FMN1: variants seen among roughly 807,000 people sequenced by gnomAD.
The protein encoded by FMN1 is formin 1, also known as formin-1.
A neutral mutation model predicts 132.4 loss-of-function variants in FMN1; 110 were observed. That is an observed-to-expected ratio of 0.83 (90% confidence interval 0.71 to 0.97). The LOEUF (loss-of-function observed/expected upper bound fraction) is 0.97. Among genes scored for constraint, FMN1 ranks in the 50% least tolerant of loss-of-function variants. The probability of loss-of-function intolerance (pLI) is 0.00; values close to 1 mark genes in which losing one functional copy is unlikely to be tolerated. For synonymous variants in FMN1, 722 were observed against 651.7 expected (o/e 1.11, Z -1.64); for missense variants, 1,792 against 1,705.3 (o/e 1.05, Z -0.90).
intron 6 of FMN1, among the ~76,000 whole-genome samples, chr15:33,019,026 T>C (rs183091051): frequency 2.6e-5 from 4 of 152,184 alleles, no homozygotes; most frequent in Admixed American, 2.0e-4. Flanking sequence ...GCTTCCACCA[T>C]GCGGAAGAGG....
At chr15:33,159,515 C>T (rs918895988) in intron 3 of FMN1, among the ~76,000 whole-genome samples, 29 of 152,140 alleles carry the variant, frequency 1.9e-4, no homozygotes, top group Middle Eastern at 6.3e-3. Context: ...TGTTTCAATT[C>T]CATGTAAGAT....
At position 32,969,538 on chromosome 15, in the gene FMN1, T is replaced by C. The variant is rs2031600132; in HGVS notation, c.2224-61A>G. The C allele has an allele frequency of 3.2e-6, 5 of 1,551,210 alleles. No homozygotes were observed. The East Asian group carries it at 6.7e-5, about 21-fold the overall frequency. ...TTTATTAAGAACAAACTTAAGAATT[T>C]AGAAACTCAATAATACCATCATGGT... is the stretch of plus-strand genomic sequence containing the variant. On this transcript the variant is annotated intron_variant, in intron 7 of 20. Transcript: ENST00000616417.
chr15:33,034,493 C>G (rs1366389994), intron 6 of FMN1, among the ~76,000 whole-genome samples: 1 of 152,194 alleles, frequency 6.6e-6, no homozygotes, highest in South Asian at 2.1e-4. Context: ...AGAAGGACTG[C>G]TTGAGCCCAG....
chr15:32,894,504 A>G (rs1334873214), intron 15 of FMN1, among the ~76,000 whole-genome samples: 3 of 150,926 alleles, frequency 2.0e-5, no homozygotes, highest in African/African-American at 7.4e-5. Context: ...AAAAAAAAAG[A>G]GAGACAACAA....
intron 6 of FMN1, among the ~76,000 whole-genome samples, chr15:33,010,432 T>A (rs191394924): frequency 6.6e-6 from 1 of 152,246 alleles, no homozygotes; most frequent in East Asian, 1.9e-4. Context: ...ACACATTAAG[T>A]TCAAGAAAAA....
At position 32,804,318 on chromosome 15, in the gene FMN1, T is replaced by C; in HGVS notation, c.3943A>G (p.Lys1315Glu). The change falls in exon 18 of 21, where the codon AAG becomes GAG. Residue 1315 changes from lysine (K) to glutamate (E), a missense_variant. Physicochemically the swap from Lys to Glu is moderately conservative, Grantham distance 56. Coordinates refer to ENST00000616417, the MANE Select transcript of FMN1 (RefSeq NM_001277313.2). The part of the protein sequence containing the change: ...EFFQKAKKEH[K>E]MEESHLENAQ... The stretch of plus-strand genomic sequence containing the variant: ...TTCTCCAAGTGACTTTCTTCCATCT[T>C]ATGCTCTTTTTTGGCTGTAAAAGAT... The C allele has an allele frequency of 1.3e-6, 2 of 1,564,834 alleles. No homozygotes were observed. Among genetic ancestry groups the C allele is most frequent in the Non-Finnish European group, 1.7e-6 (2 of 1,153,408 alleles).
intron 17 of FMN1, among the ~76,000 whole-genome samples, chr15:32,823,734 T>C (rs1327031736): frequency 6.6e-6 from 1 of 152,212 alleles, no homozygotes; most frequent in Non-Finnish European, 1.5e-5. Flanking sequence ...ATTTTTAAAA[T>C]ACCAATTTTA....
intron 19 of FMN1, among the ~76,000 whole-genome samples, chr15:32,778,239 A>T (rs1411765082): frequency 7.0e-6 from 1 of 142,638 alleles, no homozygotes; most frequent in Non-Finnish European, 1.5e-5. Flanking sequence ...TTTATATATT[A>T]TATAATACAT....
intron 7 of FMN1, among the ~76,000 whole-genome samples, chr15:32,999,694 T>A (rs545805766): frequency 2.0e-5 from 3 of 152,210 alleles, no homozygotes; most frequent in Admixed American, 6.5e-5. Flanking sequence ...ATGTCACTAT[T>A]GGCTGGTTCT....
At chr15:32,916,573 C>A (rs1467935928) in intron 10 of FMN1, among the ~76,000 whole-genome samples, 1 of 152,138 alleles carries the variant, frequency 6.6e-6, no homozygotes, top group African/African-American at 2.4e-5. Context: ...GGTTGGCTCA[C>A]CAGGTTTCGG....
rs146333098 is a variant in FMN1, at chr15:32,788,138, C to T, written c.4130+10666G>A. 4.8e-3 allele frequency among the ~76,000 whole-genome samples: 730 copies of T among 152,298 alleles called. 4 individuals are homozygous for T. The highest frequency in any genetic ancestry group is 0.017 in the African/African-American group (700 of 41,576). On this transcript the variant is annotated intron_variant, in intron 19 of 20. Transcript: ENST00000616417. ...TTTGCAGAGCTTCTCCCCCAGGACA[C>T]AGGGGAGTTGAAGTTGGGGAGCCCT...
chr15:33,104,336 G>A (rs908845721), intron 4 of FMN1, among the ~76,000 whole-genome samples: 1 of 152,074 alleles, frequency 6.6e-6, no homozygotes, highest in Admixed American at 6.6e-5. Context: ...ATATGTAAGT[G>A]GACTTTCTTG....
At chr15:32,803,313 T>A (rs2057543667) in intron 18 of FMN1, among the ~76,000 whole-genome samples, 1 of 152,082 alleles carries the variant, frequency 6.6e-6, no homozygotes, top group African/African-American at 2.4e-5. Context: ...GCCCTAAATA[T>A]GAGAATACCG....
At position 32,774,363 on chromosome 15, in the gene FMN1, GAA is replaced by G; in HGVS notation, c.4216-11_4216-10del. The G allele has an allele frequency of 1.3e-6, 2 of 1,531,760 alleles. No homozygotes were observed. Among genetic ancestry groups the G allele is most frequent in the Admixed American group, 2.0e-5 (1 of 49,314 alleles). The allele number at this position is 1,531,760 out of a possible 1,614,324, so 94.9% of individuals were successfully genotyped here. On this transcript the variant is annotated splice_polypyrimidine_tract_variant and intron_variant, in intron 20 of 20. Coordinates refer to ENST00000616417, the MANE Select transcript of FMN1 (RefSeq NM_001277313.2). Reference sequence around the variant, plus strand: ...TGACGCAGTCTTTCTTTCTGTTAAGGAAAAAAAAATGAATGTATCATTTTCTT... The same window carrying G: ...TGACGCAGTCTTTCTTTCTGTTAAGGAAAAAAATGAATGTATCATTTTCTT...
At chr15:33,047,266 A>AGGT (rs1239548553) in intron 6 of FMN1, among the ~76,000 whole-genome samples, 1 of 152,150 alleles carries the variant, frequency 6.6e-6, no homozygotes, top group African/African-American at 2.4e-5. Context: ...GATTTTATAA[A>AGGT]AACTGTTTGC....
At chr15:32,847,295 T>G (rs1356907656) in intron 17 of FMN1, among the ~76,000 whole-genome samples, 2 of 151,958 alleles carry the variant, frequency 1.3e-5, no homozygotes, top group Non-Finnish European at 2.9e-5. Context: ...TGTATGTGTG[T>G]GTGTGTGTGT....
At chr15:32,947,727 T>C (rs2061540148) in intron 9 of FMN1, among the ~76,000 whole-genome samples, 1 of 152,098 alleles carries the variant, frequency 6.6e-6, no homozygotes. Flanking sequence ...TCGACCATAT[T>C]TGCTTAGATT....
At chr15:33,135,518 G>T (rs1963727324) in intron 4 of FMN1, among the ~76,000 whole-genome samples, 1 of 152,150 alleles carries the variant, frequency 6.6e-6, no homozygotes, top group Non-Finnish European at 1.5e-5. Flanking sequence ...GCATCAAGTA[G>T]GAAAGATCCC....
In FMN1 at chr15:33,153,585, G is replaced by A. The variant is rs981018218; in HGVS notation, c.1330C>T (p.His444Tyr). ...PEGKRLGFPV[H>Y]TSVPHTRPET... Reference sequence around the variant, plus strand: ...GGGCGAGTGTGAGGGACACTCGTGTGGACAGGGAAGCCCAGTCTTTTCCCC... The same window carrying A: ...GGGCGAGTGTGAGGGACACTCGTGTAGACAGGGAAGCCCAGTCTTTTCCCC... Residue 444 changes from histidine (H) to tyrosine (Y), a missense_variant, in exon 4 of 21, where the codon CAC becomes TAC. By Grantham distance (83) the His-to-Tyr change is moderately conservative. Transcript: ENST00000616417. The A allele has an allele frequency of 6.5e-6, 10 of 1,536,098 alleles. No homozygotes were observed. The African/African-American group carries it at 1.2e-4, about 19-fold the overall frequency.
Sources: gnomAD v4.1 joint callset for allele counts (sites outside exome capture counted in the v4.1 genomes callset) on GRCh38, gnomAD v4.1.1 for gene constraint, MANE v1.5 for transcripts, NCBI Gene and HGNC (gene_info 2026-07-23, HGNC 2026-07-21) for gene names.